Variants in CCDC102B observed in about 807,000 individuals in gnomAD.
The protein encoded by CCDC102B is coiled-coil domain containing 102B.
A neutral mutation model predicts 57.4 loss-of-function variants in CCDC102B; 75 were observed. The ratio of observed to expected loss-of-function variants is 1.31; its 90% CI spans 1.08 to 1.58. The LOEUF (loss-of-function observed/expected upper bound fraction) is 1.58. CCDC102B is among the 40% of genes most tolerant of loss of function. The pLI, the probability that CCDC102B is intolerant of heterozygous loss-of-function variation, is 0.00. For missense variants in CCDC102B, 636 were observed against 582.6 expected, an observed-to-expected ratio of 1.09 and a Z score of -0.94; for synonymous variants, 206 against 201.9, an observed-to-expected ratio of 1.02 and a Z score of -0.17.
intron 2 of CCDC102B, among the ~76,000 whole-genome samples, chr18:68,774,844 T>C (rs1275928194): frequency 6.6e-6 from 1 of 151,712 alleles, no homozygotes; most frequent in Non-Finnish European, 1.5e-5. Context: ...CATTTTAAAA[T>C]ATTATCATTT....
chr18:68,785,073 C>T (rs527783494), intron 2 of CCDC102B, among the ~76,000 whole-genome samples: 37 of 148,692 alleles, frequency 2.5e-4, no homozygotes, highest in Admixed American at 6.8e-4. Flanking sequence ...TGAGAATATG[C>T]GGTGTTTGGT....
In CCDC102B at chr18:68,836,800, A is replaced by G; in HGVS notation, c.37A>G (p.Thr13Ala). The change falls in exon 2 of 8, where the codon ACA becomes GCA. Residue 13 changes from threonine (T) to alanine (A), a missense_variant. Coordinates refer to ENST00000360242, the MANE Select transcript of CCDC102B (RefSeq NM_024781.3). The stretch of plus-strand genomic sequence containing the variant: ...TTCCATACATCGATTAATTGAGGAA[A>G]CACAGATCTTCCAGATGCAACAATC... ...LDSIHRLIEE[T>A]QIFQMQQSSI... 1.2e-6 allele frequency: 2 copies of G among 1,613,774 alleles called. No individual in the cohort carries two copies. The highest frequency in any genetic ancestry group is 1.1e-5 in the South Asian group (1 of 91,068).
rs1288402040 is a variant in CCDC102B at position 69,000,628 on chromosome 18, C to G, written c.1264-10306C>G. Among the ~76,000 whole-genome samples, 4 of 152,112 alleles carry G rather than the reference C, an allele frequency of 2.6e-5. No individual in the cohort carries two copies. The East Asian group carries it at 7.7e-4, about 29-fold the overall frequency. On this transcript the variant is annotated intron_variant, in intron 6 of 7. Transcript: ENST00000360242. ...AGTCTTCTCATTTGTCCTCTCATTT[C>G]TGTTTGTGATTGTTATAACAGAGTA...
chr18:68,939,801 CA>C (rs1223806840), intron 6 of CCDC102B, among the ~76,000 whole-genome samples: 2 of 151,670 alleles, frequency 1.3e-5, no homozygotes, highest in African/African-American at 2.4e-5. Flanking sequence ...TACCACAATC[CA>C]CTCAACATGC....
At chr18:68,971,714 T>G (rs1332461975) in intron 6 of CCDC102B, among the ~76,000 whole-genome samples, 1 of 152,178 alleles carries the variant, frequency 6.6e-6, no homozygotes, top group Non-Finnish European at 1.5e-5. Flanking sequence ...TTTAAAATCC[T>G]TCCCCATTTG....
In CCDC102B at chr18:68,915,799, A is replaced by G. The variant is rs1333978944; in HGVS notation, c.1263+18371A>G. 2.0e-5 allele frequency among the ~76,000 whole-genome samples: 3 copies of G among 152,344 alleles called. No individual in the cohort carries two copies. The East Asian group carries it at 5.8e-4, about 29-fold the overall frequency. ...GCATGTAACCCATTTTAAGGAAAAA[A>G]TCAATTTCAGTCGGTGTTTAGTTTT... On this transcript the variant is annotated intron_variant, in intron 6 of 7. Coordinates refer to ENST00000360242, the MANE Select transcript of CCDC102B (RefSeq NM_024781.3).
intron 2 of CCDC102B, among the ~76,000 whole-genome samples, chr18:68,749,550 AG>A: frequency 6.6e-6 from 1 of 152,080 alleles, no homozygotes; most frequent in Non-Finnish European, 1.5e-5. Context: ...TGTGAATGGG[AG>A]TTCACTCATG....
chr18:68,793,118 C>T (rs1464859033), upstream of CCDC102B, among the ~76,000 whole-genome samples: 1 of 152,176 alleles, frequency 6.6e-6, no homozygotes, highest in Non-Finnish European at 1.5e-5. Context: ...CACAGCTGTA[C>T]TCTGTGAGTT....
At chr18:69,053,865 T>C (rs1458253167) in intron 7 of CCDC102B, among the ~76,000 whole-genome samples, 165 bp from the exon 8 acceptor site, 1 of 151,984 alleles carries the variant, frequency 6.6e-6, no homozygotes. Flanking sequence ...TCAAGCTACT[T>C]AATATATGTA....
At chr18:68,968,061 A>G (rs1294362905) in intron 6 of CCDC102B, among the ~76,000 whole-genome samples, 1 of 152,178 alleles carries the variant, frequency 6.6e-6, no homozygotes, top group Non-Finnish European at 1.5e-5. Flanking sequence ...TGATTACACT[A>G]AGAACTAATT....
intron 2 of CCDC102B, chr18:68,753,376 GA>G (rs1378631448): frequency 5.3e-5 from 8 of 152,166 alleles, no homozygotes; most frequent in African/African-American, 1.9e-4. Context: ...GATCTCTTAT[GA>G]AAACTTAGAT....
chr18:68,790,527 CGTG>C (rs2035413040), intron 2 of CCDC102B, among the ~76,000 whole-genome samples: 2 of 152,126 alleles, frequency 1.3e-5, no homozygotes, highest in South Asian at 4.1e-4. Flanking sequence ...GATATAATCT[CGTG>C]GTGCGCCGTT....
At chr18:68,843,645 A>C (rs1270915445) in intron 3 of CCDC102B, among the ~76,000 whole-genome samples, 1 of 152,082 alleles carries the variant, frequency 6.6e-6, no homozygotes, top group Non-Finnish European at 1.5e-5. Flanking sequence ...ATCATATTAA[A>C]GATACGACAT....
chr18:68,906,866 G>GT (rs2040668901), intron 6 of CCDC102B, among the ~76,000 whole-genome samples: 1 of 138,538 alleles, frequency 7.2e-6, no homozygotes, highest in Non-Finnish European at 1.5e-5. Flanking sequence ...TATGCTTCTG[G>GT]TTTCATATCT....
rs978492304 is a variant in CCDC102B at position 68,992,912 on chromosome 18, G to T, written c.1264-18022G>T. On this transcript the variant is annotated intron_variant, in intron 6 of 7. Transcript: ENST00000360242. The stretch of plus-strand genomic sequence containing the variant: ...GTGGCAGCCAGAGTGTGAGGTTCAT[G>T]CCCTTGCAGACCTGGCTAAAAGCTG... 6 of 175,286 alleles carry T rather than the reference G, an allele frequency of 3.4e-5. 1 individual carries two copies. The Admixed American group carries it at 3.6e-4, about 11-fold the overall frequency. 10.9% of individuals were successfully genotyped at this position (175,286 alleles called of 1,614,324 possible).
intron 7 of CCDC102B, among the ~76,000 whole-genome samples, chr18:69,029,082 T>A (rs1243899236): frequency 6.6e-6 from 1 of 152,204 alleles, no homozygotes; most frequent in East Asian, 1.9e-4. Context: ...ACATAGAATG[T>A]ATTCACGTGA....
At chr18:68,742,511 A>G (rs531732483) in intron 2 of CCDC102B, among the ~76,000 whole-genome samples, 7 of 152,352 alleles carry the variant, frequency 4.6e-5, no homozygotes, top group African/African-American at 1.7e-4. Flanking sequence ...GTTACATGCC[A>G]GTCTTTGACA....
intron 1 of CCDC102B, among the ~76,000 whole-genome samples, chr18:68,824,450 C>T (rs1028261412): frequency 1.3e-5 from 2 of 152,136 alleles, no homozygotes; most frequent in African/African-American, 4.8e-5. Flanking sequence ...ATATTGTTAG[C>T]GAAGAGAGAT....
chr18:68,833,190 G>A (rs2037219205), intron 1 of CCDC102B, among the ~76,000 whole-genome samples: 1 of 152,130 alleles, frequency 6.6e-6, no homozygotes, highest in Admixed American at 6.5e-5. Context: ...TCCAAACTGG[G>A]TTGACCCCTT....
Sources: allele counts gnomAD v4.1 joint callset (sites outside exome capture counted in the v4.1 genomes callset), GRCh38; gene constraint gnomAD v4.1.1; transcripts MANE v1.5; gene names NCBI Gene and HGNC (gene_info 2026-07-23, HGNC 2026-07-21).